COMTD1: variants seen among roughly 807,000 people sequenced by gnomAD.
COMTD1 encodes the protein catechol-O-methyltransferase domain containing 1.
Under a neutral mutation model 33.6 loss-of-function variants are expected in COMTD1, and 35 were observed. That is an observed-to-expected ratio of 1.04 (90% CI 0.80 to 1.38). The LOEUF (loss-of-function observed/expected upper bound fraction) is 1.38. COMTD1 is among the 40% of genes most tolerant of loss of function. The pLI is 0.00. For synonymous variants in COMTD1, 160 were observed against 176.8 expected (o/e 0.91, Z 0.75); for missense variants, 370 against 363.4 (o/e 1.02, Z -0.15).
intron 2 of COMTD1, 27 bp downstream of exon 2, chr10:75,235,589 C>T: frequency 1.3e-6 from 2 of 1,563,330 alleles, no homozygotes; most frequent in East Asian, 2.3e-5. Flanking sequence ...GAGAGGGACG[C>T]CCGTTTCCGT....
In COMTD1 at chr10:75,235,854, G is replaced by A. The variant is rs536418802; in HGVS notation, c.75C>T (p.Phe25=). Reference sequence around the variant, plus strand: ...GCTCACCCAGGAAGAGGCCAGTGGCGAAGGCGGCGCCCAGTGCGGCTGAGC... The same window carrying A: ...GCTCACCCAGGAAGAGGCCAGTGGCAAAGGCGGCGCCCAGTGCGGCTGAGC... ...ALGSAALGAA[F]ATGLFLGRRC... The change falls in exon 1 of 7, where the codon TTC becomes TTT. Residue 25 remains phenylalanine, a synonymous_variant. Transcript: ENST00000372538. The A allele has an allele frequency of 3.9e-6, 6 of 1,527,386 alleles. No individual in the cohort carries two copies. In the African/African-American group the frequency reaches 5.6e-5, roughly 14 times the overall value. The allele number at this position is 1,527,386 out of a possible 1,614,324, so 94.6% of individuals were successfully genotyped here.
intron 6 of COMTD1, 58 bp from the exon 7 acceptor site, chr10:75,234,283 C>T (rs1382638474): frequency 1.2e-5 from 16 of 1,315,438 alleles, no homozygotes; most frequent in South Asian, 3.8e-5. Context: ...GGGAGGTGCT[C>T]GGGCGGAAGG....
Position 75,234,187 on chromosome 10 carries a change from C to CCCTTTCGGAGGTTGCAGCA in COMTD1, c.656_674dup (p.Asp226AlafsTer81), listed in dbSNP as rs1842151167. The CCCTTTCGGAGGTTGCAGCA allele has an allele frequency of 6.2e-7, 1 of 1,613,464 alleles. No individual in the cohort carries two copies. Among genetic ancestry groups the CCCTTTCGGAGGTTGCAGCA allele is most frequent in the African/African-American group, 1.3e-5 (1 of 75,072 alleles). On this transcript the variant is annotated frameshift_variant, in exon 7 of 7. Coordinates refer to ENST00000372538, the MANE Select transcript of COMTD1 (RefSeq NM_144589.4). LOFTEE classifies it high-confidence loss of function. ...TTCGCACACACTCGGCCGCCACGTC[C>CCCTTTCGGAGGTTGCAGCA]CCTTTCGGAGGTTGCAGCACCTTCC...
chr10:75,235,881 C>G lies in COMTD1; in HGVS notation c.48G>C (p.Leu16=). ...AGGCGGCGCCCAGTGCGGCTGAGCC[C>G]AGGGCCAGCGCGGCGGGCACGGAGA... The part of the protein sequence containing the change: ...PRLSVPAALA[L]GSAALGAAFA... The change falls in exon 1 of 7, where the codon CTG becomes CTC. Residue 16 remains leucine, a synonymous_variant. Transcript: ENST00000372538. 1 of 1,508,446 alleles carries G rather than the reference C, an allele frequency of 6.6e-7. No individual in the cohort carries two copies. The highest frequency in any genetic ancestry group is 1.2e-5 in the South Asian group (1 of 80,882). The allele number at this position is 1,508,446 out of a possible 1,614,324, so 93.4% of individuals were successfully genotyped here. A position where few individuals can be genotyped will look rare whatever the true frequency, so the allele number is the denominator to read the frequency against.
chr10:75,234,082 G>C lies in COMTD1; in HGVS notation c.780C>G (p.Phe260Leu), dbSNP rs940661307. The change falls in exon 7 of 7, where the codon TTC becomes TTG. Residue 260 changes from phenylalanine to leucine, a missense_variant. Transcript: ENST00000372538. ...LPLGDGLTLAFKI is the reference protein window; with the variant it reads ...LPLGDGLTLALKI ...TCACTAGGGGCCAGCCCTAGATCTT[G>C]AAGGCCAAGGTGAGTCCATCGCCCA... 3 of 1,614,048 alleles carry C rather than the reference G, an allele frequency of 1.9e-6. No individual in the cohort carries two copies. Among genetic ancestry groups the C allele is most frequent in the South Asian group, 1.1e-5 (1 of 91,090 alleles).
Position 75,234,622 on chromosome 10 carries a change from G to T in COMTD1, c.624C>A (p.Leu208=). 1 of 1,563,756 alleles carries T rather than the reference G, an allele frequency of 6.4e-7. No homozygotes were observed. The highest frequency in any genetic ancestry group is 2.4e-5 in the East Asian group (1 of 41,790). The change falls in exon 6 of 7, where the codon CTC becomes CTA. Residue 208 remains leucine, a synonymous_variant. Transcript: ENST00000372538. ...GTGGATCCCTTACTCTGAGGACGGC[G>T]AGGATGCCTCCGGGTCGCAGCAGCT... The part of the protein sequence containing the change: ...CLQLLRPGGI[L]AVLRVLWRGK...
Position 75,235,634 on chromosome 10 carries a change from C to A in COMTD1, c.204G>T (p.Ala68=), listed in dbSNP as rs753144651. 6.4e-5 allele frequency: 102 copies of A among 1,593,736 alleles called. No individual in the cohort carries two copies. Among genetic ancestry groups the A allele is most frequent in the Admixed American group, 1.5e-4 (9 of 58,110 alleles). ...TGCTGACCAGCCTCAGGCTTCGCAG[C>A]GCCGGGTGCTCCCGCATGGAGCGGC... ...LLSRSMREHP[A]LRSLRLLTLE... is the part of the protein sequence containing the mutation. Residue 68 remains alanine (A), a synonymous_variant, in exon 2 of 7, where the codon GCG becomes GCT. Coordinates refer to ENST00000372538, the MANE Select transcript of COMTD1 (RefSeq NM_144589.4).
chr10:75,235,263 C>T lies in COMTD1; in HGVS notation c.328+4G>A, dbSNP rs758407512. On this transcript the variant is annotated splice_donor_region_variant and intron_variant, in intron 3 of 6. Transcript: ENST00000372538. ...CCTCCGGGATCCCGGCCGCGTGCCC[C>T]TACCCAGGTCCAGCGCCTTCTTGGC... 3.3e-5 allele frequency: 51 copies of T among 1,546,950 alleles called. No individual in the cohort carries two copies. The highest frequency in any genetic ancestry group is 4.3e-5 in the Non-Finnish European group (49 of 1,149,770).
At chr10:75,234,419 G>T in intron 6 of COMTD1, 191 bp downstream of exon 6, 1 of 1,068,492 alleles carries the variant, frequency 9.4e-7, no homozygotes, top group Non-Finnish European at 1.3e-6. Flanking sequence ...AGGTGCCCGG[G>T]CAGGAGGTGA....
intron 6 of COMTD1, 44 bp downstream of exon 6, chr10:75,234,566 G>A: frequency 5.3e-6 from 8 of 1,523,574 alleles, no homozygotes; most frequent in Non-Finnish European, 7.1e-6. Context: ...ATGGGGACCC[G>A]GCCCGACAGG....
rs373491394 is a variant in COMTD1, at chr10:75,235,085, T to C, written c.422A>G (p.Glu141Gly). The change falls in exon 4 of 7, where the codon GAG becomes GGG. Residue 141 changes from glutamate to glycine, a missense_variant. Coordinates refer to ENST00000372538, the MANE Select transcript of COMTD1 (RefSeq NM_144589.4). Reference sequence around the variant, plus strand: ...CTGCCTCCACAGGGGCCGTCCCAGCTCCGGGGGCTGCGCGTCCACCTCGCA... The same window carrying C: ...CTGCCTCCACAGGGGCCGTCCCAGCCCCGGGGGCTGCGCGTCCACCTCGCA... Reference protein sequence around the residue: ...VTCEVDAQPPELGRPLWRQAE... With the variant: ...VTCEVDAQPPGLGRPLWRQAE... 3.5e-6 allele frequency: 5 copies of C among 1,413,312 alleles called. No homozygotes were observed. The highest frequency in any genetic ancestry group is 1.6e-5 in the South Asian group (1 of 64,398). 87.5% of individuals were successfully genotyped at this position (1,413,312 alleles called of 1,614,324 possible). A position where few individuals can be genotyped will look rare whatever the true frequency, so the allele number is the denominator to read the frequency against.
Position 75,234,166 on chromosome 10 carries a change from C to T in COMTD1, c.696G>A (p.Val232=), listed in dbSNP as rs1842150629. 2 of 1,613,566 alleles carry T rather than the reference C, an allele frequency of 1.2e-6. No homozygotes were observed. The highest frequency in any genetic ancestry group is 1.7e-5 in the Admixed American group (1 of 60,010). The change falls in exon 7 of 7, where the codon GTG becomes GTA. Residue 232 remains valine, a synonymous_variant. Transcript: ENST00000372538. ...GCCGGATGCGTTCGTTTAGGTTTCG[C>T]ACACACTCGGCCGCCACGTCCCCTT... ...PPKGDVAAEC[V]RNLNERIRRD...
In COMTD1 at chr10:75,234,174, C is replaced by A. The variant is rs1842150755; in HGVS notation, c.688G>T (p.Glu230Ter). 1 of 1,613,600 alleles carries A rather than the reference C, an allele frequency of 6.2e-7. No homozygotes were observed. ...LQPPKGDVAA[E>*]CVRNLNERIR... The stretch of plus-strand genomic sequence containing the variant: ...CGTTCGTTTAGGTTTCGCACACACT[C>A]GGCCGCCACGTCCCCTTTCGGAGGT... Residue 230 changes from glutamate (E) to a stop codon, truncating the protein, a stop_gained, in exon 7 of 7, where the codon GAG (glutamate) becomes TAG (stop). Transcript: ENST00000372538. LOFTEE classifies it high-confidence loss of function.
chr10:75,235,201 C>G (rs1195795335), intron 3 of COMTD1, 23 bp from the exon 4 acceptor site: 1 of 1,445,284 alleles, frequency 6.9e-7, no homozygotes, highest in Non-Finnish European at 9.1e-7. Context: ...CACAGACGGG[C>G]TCAGCCCAGA....
intron 2 of COMTD1, 95 bp from the exon 3 acceptor site, chr10:75,235,467 G>T: frequency 7.5e-7 from 1 of 1,341,020 alleles, no homozygotes; most frequent in Non-Finnish European, 9.9e-7. Context: ...GGCGTGGCCT[G>T]GGGGACTGGC....
Position 75,234,188 on chromosome 10 carries a change from C to T in COMTD1, c.674G>A (p.Gly225Glu). The change falls in exon 7 of 7, where the codon GGG becomes GAG. Residue 225 changes from glycine (G) to glutamate (E), a missense_variant. Physicochemically the swap from Gly to Glu is moderately conservative, Grantham distance 98. Coordinates refer to ENST00000372538, the MANE Select transcript of COMTD1 (RefSeq NM_144589.4). ...WRGKVLQPPK[G>E]DVAAECVRNL... ...TCGCACACACTCGGCCGCCACGTCC[C>T]CTTTCGGAGGTTGCAGCACCTTCCC... 6.2e-7 allele frequency: 1 copy of T among 1,613,480 alleles called. No homozygotes were observed.
In COMTD1 at chr10:75,234,056, C is replaced by T; in HGVS notation, c.*17G>A. 2 of 1,613,960 alleles carry T rather than the reference C, an allele frequency of 1.2e-6. No individual in the cohort carries two copies. The highest frequency in any genetic ancestry group is 1.7e-6 in the Non-Finnish European group (2 of 1,180,032). On this transcript the variant is annotated 3_prime_UTR_variant, in exon 7 of 7. Coordinates refer to ENST00000372538, the MANE Select transcript of COMTD1 (RefSeq NM_144589.4). ...CCCAGGCAACCCTCCCTCGAGCCCA[C>T]TCACTAGGGGCCAGCCCTAGATCTT...
At chr10:75,235,590 C>T in intron 2 of COMTD1, 26 bp downstream of exon 2, 1 of 1,563,856 alleles carries the variant, frequency 6.4e-7, no homozygotes, top group Non-Finnish European at 8.6e-7. Flanking sequence ...AGAGGGACGC[C>T]CGTTTCCGTC....
rs537946234 is a variant in COMTD1, at chr10:75,234,962, G to T, written c.478C>A (p.Leu160Met). Reference protein sequence around the residue: ...AEAEHKIDLRLKPALETLDEL... With the variant: ...AEAEHKIDLRMKPALETLDEL... ...CCCAGGGTCTCCAAGGCGGGCTTCA[G>T]CCGGAGGTCGATCTTGTGCTCCGCC... The change falls in exon 5 of 7, where the codon CTG becomes ATG. Residue 160 changes from leucine to methionine, a missense_variant. Coordinates refer to ENST00000372538, the MANE Select transcript of COMTD1 (RefSeq NM_144589.4). 10 of 1,525,978 alleles carry T rather than the reference G, an allele frequency of 6.6e-6. No homozygotes were observed. In the Admixed American group the frequency reaches 1.1e-4, roughly 17 times the overall value. 94.5% of individuals were successfully genotyped at this position (1,525,978 alleles called of 1,614,324 possible).
Sources: gnomAD v4.1 joint callset for allele counts on GRCh38, gnomAD v4.1.1 for gene constraint, MANE v1.5 for transcripts, NCBI Gene and HGNC (gene_info 2026-07-23, HGNC 2026-07-21) for gene names.